Variants in PDE6A observed in about 807,000 individuals in gnomAD.
The protein encoded by PDE6A is phosphodiesterase 6A, also known as rod cGMP-specific 3',5'-cyclic phosphodiesterase subunit alpha.
In PDE6A, 84 loss-of-function variants were observed where a neutral mutation model predicts 106.3. The observed-to-expected ratio is 0.79, with a 90% CI of 0.66 to 0.95. The LOEUF is 0.95. Among genes scored for constraint, PDE6A ranks in the 40% least tolerant of loss-of-function variants. PDE6A has a pLI of 0.00. For missense variants in PDE6A, 1,052 were observed against 1,084.9 expected (o/e 0.97, Z 0.43); for synonymous variants, 394 against 386.6 (o/e 1.02, Z -0.23).
At position 149,931,048 on chromosome 5, in the gene PDE6A, A is replaced by G. The variant is rs1408576852; in HGVS notation, c.838T>C (p.Leu280=). 1.7e-5 allele frequency: 27 copies of G among 1,614,028 alleles called. No homozygotes were observed. Among genetic ancestry groups the G allele is most frequent in the African/African-American group, 2.7e-5 (2 of 74,926 alleles). Residue 280 remains leucine (L), a synonymous_variant, in exon 4 of 22, where the codon TTA becomes CTA. Coordinates refer to ENST00000255266, the MANE Select transcript of PDE6A (RefSeq NM_000440.3). ...CTCACCTTCTGCTTGGTCATGTCTA[A>G]GAGACCCACAGAGTATCTGTCACAG... is the stretch of plus-strand genomic sequence containing the variant. ...LNCDRYSVGL[L]DMTKQKEFFD...
At position 149,863,892 on chromosome 5, in the gene PDE6A, G is replaced by A. The variant is rs969402750; in HGVS notation, c.2359-626C>T. 9.2e-5 allele frequency among the ~76,000 whole-genome samples: 14 copies of A among 152,174 alleles called. No homozygotes were observed. Among genetic ancestry groups the A allele is most frequent in the African/African-American group, 3.4e-4 (14 of 41,456 alleles). On this transcript the variant is annotated intron_variant, in intron 20 of 21. Coordinates refer to ENST00000255266, the MANE Select transcript of PDE6A (RefSeq NM_000440.3). This position sits in a 1 kb window ranked among gnomAD's most constrained non-coding sequence, Gnocchi z 4.7. ...TTCTGCCTTGGCTTCTCAAAGTGCTGGGATTACAGGCATGAGCCACCATGC... is the reference window on the plus strand; with the variant it reads ...TTCTGCCTTGGCTTCTCAAAGTGCTAGGATTACAGGCATGAGCCACCATGC...
chr5:149,884,249 T>C (rs1048431205), intron 16 of PDE6A, among the ~76,000 whole-genome samples: 6 of 147,226 alleles, frequency 4.1e-5, no homozygotes, highest in Non-Finnish European at 7.5e-5. Flanking sequence ...GATATATGTG[T>C]ATATATATGT....
intron 13 of PDE6A, among the ~76,000 whole-genome samples, chr5:149,893,221 C>T (rs1752608827): frequency 6.6e-6 from 1 of 152,174 alleles, no homozygotes; most frequent in African/African-American, 2.4e-5. Context: ...CTCCATTGGA[C>T]GCGACCATAC....
intron 5 of PDE6A, among the ~76,000 whole-genome samples, chr5:149,920,942 A>AAAAGAAAGAAAGAAAGAAAG (rs3049632): frequency 0.039 from 4,173 of 108,232 alleles, 120 homozygotes; most frequent in Non-Finnish European, 0.049. Flanking sequence ...GAAAGAGAGA[A>AAAAGAAAGAAAGAAAGAAAG]AAAGAAAGAA....
At chr5:149,898,257 A>G in intron 10 of PDE6A, 106 bp downstream of exon 10, 1 of 979,362 alleles carries the variant, frequency 1.0e-6, no homozygotes, top group East Asian at 2.4e-5. Flanking sequence ...GCACAAACCC[A>G]TGCCCAGGCT....
chr5:149,861,147 C>T (rs1320899833), intron 21 of PDE6A, among the ~76,000 whole-genome samples, 176 bp from the exon 22 acceptor site: 1 of 152,194 alleles, frequency 6.6e-6, no homozygotes, highest in African/African-American at 2.4e-5. Flanking sequence ...GAACATTTCT[C>T]TAAGAAAAAT....
intron 6 of PDE6A, among the ~76,000 whole-genome samples, chr5:149,914,426 A>G (rs370461343): frequency 6.6e-6 from 1 of 152,154 alleles, no homozygotes; most frequent in South Asian, 2.1e-4. Context: ...TAAAATAAAA[A>G]CTATAGGAGG....
chr5:149,911,166 C>T (rs577104934), intron 6 of PDE6A, among the ~76,000 whole-genome samples: 1 of 151,990 alleles, frequency 6.6e-6, no homozygotes, highest in Non-Finnish European at 1.5e-5. Flanking sequence ...TAGGTGTGAG[C>T]CACTGTGCCC....
At chr5:149,941,043 T>C (rs1383317279) in intron 1 of PDE6A, among the ~76,000 whole-genome samples, 2 of 152,218 alleles carry the variant, frequency 1.3e-5, no homozygotes, top group Non-Finnish European at 2.9e-5. Flanking sequence ...AGCTCCTGGT[T>C]TGGCCAGTGT....
At chr5:149,889,914 A>AG (rs1262995705) in intron 13 of PDE6A, among the ~76,000 whole-genome samples, 2 of 150,758 alleles carry the variant, frequency 1.3e-5, no homozygotes, top group East Asian at 4.0e-4. Context: ...CTCAAAAAAA[A>AG]AAAAAAAATT....
At chr5:149,917,866 A>C (rs1157531784) in intron 5 of PDE6A, among the ~76,000 whole-genome samples, 1 of 152,128 alleles carries the variant, frequency 6.6e-6, no homozygotes, top group Admixed American at 6.5e-5. Context: ...ATGGAAGCTA[A>C]TTATATGAAA....
rs1275387294 is a variant in PDE6A, at chr5:149,884,592, A to G, written c.1927-13T>C. ...AGATATTCAGGCTCTAAAGAAAAAA[A>G]GAGAAGCGAGATGGGAGAGAATTGA... On this transcript the variant is annotated splice_polypyrimidine_tract_variant and intron_variant, in intron 15 of 21. Coordinates refer to ENST00000255266, the MANE Select transcript of PDE6A (RefSeq NM_000440.3). 6.2e-7 allele frequency: 1 copy of G among 1,601,630 alleles called. No individual in the cohort carries two copies. The highest frequency in any genetic ancestry group is 8.6e-7 in the Non-Finnish European group (1 of 1,168,756).
At chr5:149,928,754 T>C (rs1263015153) in intron 4 of PDE6A, among the ~76,000 whole-genome samples, 1 of 152,202 alleles carries the variant, frequency 6.6e-6, no homozygotes, top group Non-Finnish European at 1.5e-5. Flanking sequence ...TATTTGAAAG[T>C]GGACTTGTGC....
intron 3 of PDE6A, chr5:149,932,694 C>T (rs899959472): frequency 2.0e-4 from 318 of 1,601,486 alleles, no homozygotes; most frequent in Non-Finnish European, 2.5e-4. Context: ...GAAGGAAATG[C>T]TGCCCCACTC....
In PDE6A at chr5:149,886,370, C is replaced by A; in HGVS notation, c.1733G>T (p.Gly578Val). ...GTCCGTGAAGTAGCGCTTCAGCTTT[C>A]CCGTCTGGAAGGGCAATCAGAGTGC... ...GQTMFSLLVT[G>V]KLKRYFTDLE... The change falls in exon 14 of 22, where the codon GGA (glycine) becomes GTA (valine). Residue 578 changes from glycine (G) to valine (V), a missense_variant. Physicochemically the swap from Gly to Val is moderately radical, Grantham distance 109. Around this residue, in one of 3 missense-constraint regions of PDE6A, gnomAD observed 913 missense variants for 915.2 expected, o/e 1.00. Coordinates refer to ENST00000255266, the MANE Select transcript of PDE6A (RefSeq NM_000440.3). The A allele has an allele frequency of 6.2e-7, 1 of 1,613,282 alleles. No homozygotes were observed. Among genetic ancestry groups the A allele is most frequent in the East Asian group, 2.2e-5 (1 of 44,884 alleles).
chr5:149,928,531 C>T (rs573698871), intron 4 of PDE6A, among the ~76,000 whole-genome samples: 14 of 152,008 alleles, frequency 9.2e-5, no homozygotes, highest in East Asian at 3.9e-4. Flanking sequence ...CCACCGCGCC[C>T]GGCCTGTATG....
chr5:149,867,125 C>T (rs760800378), intron 19 of PDE6A: 1 of 176,684 alleles, frequency 5.7e-6, no homozygotes, highest in Non-Finnish European at 1.2e-5. Context: ...AACGGTTTGT[C>T]CCCACAATGT....
chr5:149,924,488 TA>T (rs1402061260), intron 4 of PDE6A, among the ~76,000 whole-genome samples: 2 of 151,150 alleles, frequency 1.3e-5, no homozygotes, highest in Non-Finnish European at 2.9e-5. Context: ...TATTTAGAAA[TA>T]ATTTTTAATG....
At chr5:149,907,024 G>A (rs928487032) in intron 7 of PDE6A, among the ~76,000 whole-genome samples, 4 of 152,072 alleles carry the variant, frequency 2.6e-5, no homozygotes, top group Non-Finnish European at 5.9e-5. Flanking sequence ...CACCTGCCTC[G>A]GCCCCCCAAA....
Sources: allele counts gnomAD v4.1 joint callset (sites outside exome capture counted in the v4.1 genomes callset), GRCh38; gene constraint gnomAD v4.1.1; regional missense constraint gnomAD v4.1.1; non-coding constraint Gnocchi (gnomAD v3.1); transcripts MANE v1.5; gene names NCBI Gene and HGNC (gene_info 2026-07-23, HGNC 2026-07-21).